Variants in TXNDC9 observed in about 807,000 individuals in gnomAD.
TXNDC9 encodes thioredoxin domain containing 9, also known as thioredoxin domain-containing protein 9.
Under a neutral mutation model 23.0 loss-of-function variants are expected in TXNDC9, and 7 were observed. That is an observed-to-expected ratio of 0.30 (90% confidence interval 0.17 to 0.57). The LOEUF (loss-of-function observed/expected upper bound fraction) is 0.57, where lower values mean the gene tolerates loss of function less well. Among genes scored for constraint, TXNDC9 ranks in the 20% least tolerant of loss-of-function variants. TXNDC9 has a pLI of 0.90. For synonymous variants in TXNDC9, 72 were observed against 90.6 expected, an observed-to-expected ratio of 0.79 and a Z score of 1.17; for missense variants, 198 against 252.6, an observed-to-expected ratio of 0.78 and a Z score of 1.47.
Position 99,327,431 on chromosome 2 carries a change from T to C in TXNDC9, c.308+104A>G, listed in dbSNP as rs1245102388. On this transcript the variant is annotated intron_variant, in intron 3 of 4. Coordinates refer to ENST00000264255, the MANE Select transcript of TXNDC9 (RefSeq NM_005783.4). ...GAGTACAATGAAACAACTTAGGAAG[T>C]TTTTTCTTTTAGTTTTCTTCATTTC... 6.0e-6 allele frequency: 5 copies of C among 835,192 alleles called. No homozygotes were observed. In the Admixed American group the frequency reaches 1.1e-4, roughly 19 times the overall value. The allele number at this position is 835,192 out of a possible 1,614,324, so 51.7% of individuals were successfully genotyped here.
intron 2 of TXNDC9, among the ~76,000 whole-genome samples, chr2:99,328,773 C>T (rs2094218566): frequency 6.6e-6 from 1 of 150,968 alleles, no homozygotes; most frequent in East Asian, 1.9e-4. Context: ...GTCAGGAGTT[C>T]CAGACTAGCC....
chr2:99,306,247 C>A, the TXNDC9 span, among the ~76,000 whole-genome samples: 4 of 152,158 alleles, frequency 2.6e-5, no homozygotes, highest in African/African-American at 9.7e-5. Context: ...TTGAATCCAG[C>A]CATCTAAATG....
At chr2:99,317,850 A>AG (rs773213834), downstream of TXNDC9, among the ~76,000 whole-genome samples, 239 of 152,154 alleles carry the variant, frequency 1.6e-3, no homozygotes, top group Non-Finnish European at 2.5e-3. Flanking sequence ...AGGCCCCTGT[A>AG]GAGTATCTTT....
intron 2 of TXNDC9, among the ~76,000 whole-genome samples, chr2:99,330,290 C>CAGAAAAAAAAAA (rs2094221719): frequency 3.6e-5 from 1 of 28,160 alleles, no homozygotes; most frequent in Non-Finnish European, 6.0e-5. Context: ...ACTCTTATCT[C>CAGAAAAAAAAAA]AAAAAAAAAA....
At chr2:99,310,942 A>T in the TXNDC9 span, among the ~76,000 whole-genome samples, 2 of 152,162 alleles carry the variant, frequency 1.3e-5, no homozygotes, top group Non-Finnish European at 2.9e-5. Flanking sequence ...CCTGAGAGGC[A>T]AAGGCTAGTC....
At chr2:99,329,633 A>G (rs2094220279) in intron 2 of TXNDC9, among the ~76,000 whole-genome samples, 1 of 152,226 alleles carries the variant, frequency 6.6e-6, no homozygotes, top group African/African-American at 2.4e-5. Context: ...ATGACATTTC[A>G]TGACTGCTTT....
intron 2 of TXNDC9, among the ~76,000 whole-genome samples, chr2:99,331,180 G>A (rs1305378921): frequency 6.6e-6 from 1 of 152,132 alleles, no homozygotes; most frequent in Non-Finnish European, 1.5e-5. Context: ...ACTTAAATGT[G>A]ACTATGAAAT....
At chr2:99,310,055 G>C in the TXNDC9 span, among the ~76,000 whole-genome samples, 1 of 152,214 alleles carries the variant, frequency 6.6e-6, no homozygotes, top group East Asian at 1.9e-4. Context: ...TACTTCACAG[G>C]GTTGTTGTGA....
At chr2:99,322,766 T>C in intron 3 of TXNDC9, 2 of 1,344,750 alleles carry the variant, frequency 1.5e-6, no homozygotes. Flanking sequence ...ACTTTTTTAT[T>C]TTTTATTTTT....
chr2:99,329,892 C>T (rs541496099), intron 2 of TXNDC9, among the ~76,000 whole-genome samples: 3 of 151,898 alleles, frequency 2.0e-5, no homozygotes, highest in African/African-American at 7.3e-5. Flanking sequence ...GCTTGAACTC[C>T]GAAGGCGGAG....
At chr2:99,329,338 A>T (rs1391782609) in intron 2 of TXNDC9, among the ~76,000 whole-genome samples, 2 of 152,018 alleles carry the variant, frequency 1.3e-5, no homozygotes, top group Admixed American at 6.6e-5. Flanking sequence ...TAGAGTTCCT[A>T]CTCTTCCAGG....
At chr2:99,322,542 A>C in intron 3 of TXNDC9, 1 of 1,493,300 alleles carries the variant, frequency 6.7e-7, no homozygotes, top group Non-Finnish European at 8.9e-7. Flanking sequence ...AAACTTGACA[A>C]AACTCGGAAG....
intron 3 of TXNDC9, chr2:99,322,452 T>C: frequency 3.1e-6 from 4 of 1,302,986 alleles, no homozygotes; most frequent in Non-Finnish European, 4.1e-6. Context: ...TATTCTCTTT[T>C]AAAATATTAA....
rs1462372544 is a variant in TXNDC9, at chr2:99,322,026, T to C, written c.492A>G (p.Leu164=). 2 of 1,614,076 alleles carry C rather than the reference T, an allele frequency of 1.2e-6. No homozygotes were observed. The highest frequency in any genetic ancestry group is 1.7e-6 in the Non-Finnish European group (2 of 1,180,022). Residue 164 remains leucine (L), a synonymous_variant, in exon 4 of 5, where the codon CTA becomes CTG. Coordinates refer to ENST00000264255, the MANE Select transcript of TXNDC9 (RefSeq NM_005783.4). ...TQDYVVGFTD[L]GNTDDFTTET... Reference sequence around the variant, plus strand: ...CTGTGGTGAAGTCATCTGTATTTCCTAGGTCAGTAAACCCAACAACATAAT... The same window carrying C: ...CTGTGGTGAAGTCATCTGTATTTCCCAGGTCAGTAAACCCAACAACATAAT...
chr2:99,332,412 C>T lies in TXNDC9; in HGVS notation c.189+610G>A, dbSNP rs544379846. Among the ~76,000 whole-genome samples the T allele has an allele frequency of 1.3e-3, 202 of 152,240 alleles. 1 individual carries two copies. Among genetic ancestry groups the T allele is most frequent in the Non-Finnish European group, 2.1e-3 (143 of 68,010 alleles). On this transcript the variant is annotated intron_variant, in intron 2 of 4. Coordinates refer to ENST00000264255, the MANE Select transcript of TXNDC9 (RefSeq NM_005783.4). ...GAGTTGAGATGACACCACTGTACTCCAGCCAGGGTGTCACAGCGAGACTCC... is the reference window on the plus strand; with the variant it reads ...GAGTTGAGATGACACCACTGTACTCTAGCCAGGGTGTCACAGCGAGACTCC...
chr2:99,326,347 A>G (rs2105322719), intron 3 of TXNDC9, among the ~76,000 whole-genome samples: 1 of 152,300 alleles, frequency 6.6e-6, no homozygotes, highest in Non-Finnish European at 1.5e-5. Context: ...AAGGGGCAAG[A>G]AGGCCACAGA....
At chr2:99,331,416 G>A (rs12618779) in intron 2 of TXNDC9, among the ~76,000 whole-genome samples, 59,119 of 149,456 alleles carry the variant, frequency 0.4, 12,447 homozygotes, top group East Asian at 0.64. Context: ...CTCTACTAAA[G>A]TACAAAAATC....
chr2:99,322,448 C>A, intron 3 of TXNDC9: 1 of 1,292,764 alleles, frequency 7.7e-7, no homozygotes, highest in Non-Finnish European at 1.0e-6. Flanking sequence ...ATGATATTCT[C>A]TTTTAAAATA....
At chr2:99,310,851 G>A in the TXNDC9 span, among the ~76,000 whole-genome samples, 18 of 152,288 alleles carry the variant, frequency 1.2e-4, no homozygotes, top group African/African-American at 4.1e-4. Flanking sequence ...AGTGGGCAAC[G>A]CAGCCACATT....
Sources: allele counts gnomAD v4.1 joint callset (sites outside exome capture counted in the v4.1 genomes callset), GRCh38; gene constraint gnomAD v4.1.1; transcripts MANE v1.5; gene names NCBI Gene and HGNC (gene_info 2026-07-23, HGNC 2026-07-21).